TAF3: variants seen among roughly 807,000 people sequenced by gnomAD.
TAF3 encodes the protein TATA-box binding protein associated factor 3.
Under a neutral mutation model 80.6 loss-of-function variants are expected in TAF3, and 7 were observed. The ratio of observed to expected loss-of-function variants is 0.09; its 90% confidence interval spans 0.05 to 0.16. The LOEUF is 0.16. TAF3 is among the 10% of genes least tolerant of loss of function. The pLI is 1.00. For missense variants in TAF3, 921 were observed against 1,140.2 expected, an observed-to-expected ratio of 0.81 and a Z score of 2.77; for synonymous variants, 444 against 446.1, an observed-to-expected ratio of 1.00 and a Z score of 0.06.
At chr10:7,942,427 C>A (rs1379893448) in intron 2 of TAF3, among the ~76,000 whole-genome samples, 1 of 151,946 alleles carries the variant, frequency 6.6e-6, no homozygotes, top group Non-Finnish European at 1.5e-5. Context: ...TTTTTTTCAG[C>A]CAGAACATTT....
In TAF3 at chr10:7,964,706, G is replaced by A; in HGVS notation, c.1196G>A (p.Cys399Tyr). The A allele has an allele frequency of 1.9e-6, 3 of 1,614,226 alleles. No individual in the cohort carries two copies. Among genetic ancestry groups the A allele is most frequent in the East Asian group, 4.5e-5 (2 of 44,882 alleles). ...ASIDAVIARA[C>Y]AEREPDPFEF... ...ATCGATGCTGTGATTGCACGAGCCT[G>A]TGCTGAGCGAGAGCCAGATCCTTTC... is the stretch of plus-strand genomic sequence containing the variant. The change falls in exon 3 of 7, where the codon TGT becomes TAT. Residue 399 changes from cysteine to tyrosine, a missense_variant. Cys to Tyr is a radical substitution (Grantham distance 194, BLOSUM62 -2). This residue lies in a region of TAF3 where 743 missense variants were observed against 821.0 expected (regional missense o/e 0.90). Coordinates refer to ENST00000344293, the MANE Select transcript of TAF3 (RefSeq NM_031923.4). The surrounding 1 kb of genome is among the most constrained non-coding windows in gnomAD (Gnocchi z 4.1).
chr10:7,834,206 G>A (rs1039600022), intron 2 of TAF3, among the ~76,000 whole-genome samples: 3 of 152,102 alleles, frequency 2.0e-5, no homozygotes, highest in African/African-American at 7.2e-5. Context: ...TATTTTGATG[G>A]AATCCCATTT....
chr10:7,985,909 G>C (rs748922523), intron 4 of TAF3, among the ~76,000 whole-genome samples: 2 of 150,714 alleles, frequency 1.3e-5, no homozygotes, highest in Non-Finnish European at 2.9e-5. Context: ...TTGGCCTCCC[G>C]AGTAGCTGGG....
intron 4 of TAF3, among the ~76,000 whole-genome samples, chr10:7,999,205 A>G (rs551367711): frequency 1.3e-5 from 2 of 152,262 alleles, no homozygotes; most frequent in East Asian, 3.9e-4. Context: ...AGTAGTAGGT[A>G]TTCTATTTAA....
At chr10:7,939,912 A>T (rs1021237866) in intron 2 of TAF3, among the ~76,000 whole-genome samples, 4 of 152,204 alleles carry the variant, frequency 2.6e-5, no homozygotes, top group African/African-American at 9.6e-5. Flanking sequence ...ATTATCAAAG[A>T]AATAACACAA....
At chr10:7,953,458 C>A (rs1307554130) in intron 2 of TAF3, among the ~76,000 whole-genome samples, 1 of 152,116 alleles carries the variant, frequency 6.6e-6, no homozygotes, top group East Asian at 1.9e-4. Context: ...TGGAGGAGGT[C>A]AGATGTCAGT....
At chr10:7,896,811 T>C (rs1837508453) in intron 2 of TAF3, among the ~76,000 whole-genome samples, 1 of 152,198 alleles carries the variant, frequency 6.6e-6, no homozygotes, top group Non-Finnish European at 1.5e-5. Context: ...TCATTGTGGT[T>C]CATCTAGATT....
intron 4 of TAF3, among the ~76,000 whole-genome samples, chr10:7,999,310 G>A (rs1351521187): frequency 2.6e-5 from 4 of 151,958 alleles, no homozygotes; most frequent in African/African-American, 9.7e-5. Context: ...ACTGTCTAAT[G>A]TGGATGAGAG....
chr10:8,001,709 T>G (rs1179260241), intron 4 of TAF3, among the ~76,000 whole-genome samples: 1 of 152,216 alleles, frequency 6.6e-6, no homozygotes, highest in Non-Finnish European at 1.5e-5. Context: ...TGGTTTTGTT[T>G]TCTTTTACCT....
chr10:7,871,847 A>G (rs2131146101), intron 2 of TAF3, among the ~76,000 whole-genome samples: 1 of 152,336 alleles, frequency 6.6e-6, no homozygotes, highest in South Asian at 2.1e-4. Flanking sequence ...AAATATGTGA[A>G]TTTTAGATTA....
chr10:7,962,889 A>T (rs765723726), intron 2 of TAF3, among the ~76,000 whole-genome samples: 2 of 152,136 alleles, frequency 1.3e-5, no homozygotes, highest in Non-Finnish European at 2.9e-5. Flanking sequence ...ATCATTGTAC[A>T]TTATATGCTT....
chr10:7,993,478 C>T (rs1163034358), intron 4 of TAF3, among the ~76,000 whole-genome samples: 1 of 152,160 alleles, frequency 6.6e-6, no homozygotes, highest in African/African-American at 2.4e-5. Flanking sequence ...CATGCCCAGC[C>T]GCTTCCTTTT....
chr10:7,997,657 A>G (rs142717347), intron 4 of TAF3, among the ~76,000 whole-genome samples: 2 of 152,356 alleles, frequency 1.3e-5, no homozygotes, highest in African/African-American at 4.8e-5. Context: ...CAAATCCTCC[A>G]AAAGCTGTAA....
chr10:7,866,380 G>A lies in TAF3; in HGVS notation c.409+41820G>A, dbSNP rs116669303. On this transcript the variant is annotated intron_variant, in intron 2 of 6. Coordinates refer to ENST00000344293, the MANE Select transcript of TAF3 (RefSeq NM_031923.4). ...AGAATGAACGTAGGGGCCTGTGATG[G>A]TGGCTGACCACGGAATTTCAGGGCA... 4.6e-3 allele frequency among the ~76,000 whole-genome samples: 705 copies of A among 152,340 alleles called. 8 individuals are homozygous for A. Among genetic ancestry groups the A allele is most frequent in the African/African-American group, 0.016 (667 of 41,576 alleles).
At chr10:7,871,435 C>CTTTTTTTGTTTTTTTTTTTTTTTT (rs1837264045) in intron 2 of TAF3, among the ~76,000 whole-genome samples, 1 of 69,116 alleles carries the variant, frequency 1.4e-5, no homozygotes, top group Non-Finnish European at 2.9e-5. Flanking sequence ...ATAACTGCTG[C>CTTTTTTTGTTTTTTTTTTTTTTTT]TTTTTTTTTT....
chr10:7,840,443 C>T (rs530864330), intron 2 of TAF3, among the ~76,000 whole-genome samples: 4 of 151,548 alleles, frequency 2.6e-5, no homozygotes, highest in Admixed American at 6.6e-5. Context: ...TGAGCCACCG[C>T]GCCCGGCCTG....
chr10:8,011,117 C>G (rs1028306055), intron 5 of TAF3, among the ~76,000 whole-genome samples: 6 of 152,210 alleles, frequency 3.9e-5, no homozygotes, highest in African/African-American at 1.4e-4. Context: ...ACTACCAACT[C>G]TGCAGACTGT....
chr10:7,965,672 A>C lies in TAF3; in HGVS notation c.2162A>C (p.Lys721Thr). The C allele has an allele frequency of 6.3e-7, 1 of 1,587,046 alleles. No homozygotes were observed. The highest frequency in any genetic ancestry group is 1.7e-4 in the Middle Eastern group (1 of 5,932). Residue 721 changes from lysine to threonine, a missense_variant, in exon 3 of 7, where the codon AAG becomes ACG. Lys to Thr is a moderately conservative substitution (Grantham distance 78). This residue lies in a region of TAF3 where 743 missense variants were observed against 821.0 expected (regional missense o/e 0.90). Transcript: ENST00000344293. ...KKEKEKEKKE[K>T]EREKEKRERE... is the part of the protein sequence containing the mutation. ...GAAAAAGAGAAGGAGAAGAAGGAGA[A>C]GGAAAGAGAGAAAGAGAAGAGAGAG...
intron 4 of TAF3, among the ~76,000 whole-genome samples, chr10:8,000,529 G>A (rs1831933774): frequency 6.6e-6 from 1 of 151,938 alleles, no homozygotes; most frequent in South Asian, 2.1e-4. Flanking sequence ...CACTTTGGGA[G>A]GCCGAGATGG....
Sources: gnomAD v4.1 joint callset for allele counts (sites outside exome capture counted in the v4.1 genomes callset) on GRCh38, gnomAD v4.1.1 for gene constraint, gnomAD v4.1.1 regional missense constraint, Gnocchi (gnomAD v3.1) non-coding constraint, MANE v1.5 for transcripts, NCBI Gene and HGNC (gene_info 2026-07-23, HGNC 2026-07-21) for gene names.